Variants in UBE3C observed in about 807,000 individuals in gnomAD.
UBE3C encodes ubiquitin protein ligase E3C, also known as ubiquitin-protein ligase E3C.
A neutral mutation model predicts 129.4 loss-of-function variants in UBE3C; 42 were observed. That is an observed-to-expected ratio of 0.32 (90% CI 0.25 to 0.42). The LOEUF (loss-of-function observed/expected upper bound fraction) is 0.42. Ranked by LOEUF, UBE3C falls within the 10% of genes least tolerant of loss-of-function variation. The pLI is 1.00. For synonymous variants in UBE3C, 510 were observed against 492.4 expected (o/e 1.04, Z -0.47); for missense variants, 1,049 against 1,319.1 (o/e 0.80, Z 3.17).
intron 22 of UBE3C, among the ~76,000 whole-genome samples, chr7:157,262,656 G>A (rs184545478): frequency 0.012 from 1,890 of 151,940 alleles, 24 homozygotes; most frequent in Middle Eastern, 0.027. Flanking sequence ...CCTGACCTCC[G>A]GTGATCCACC....
intron 19 of UBE3C, among the ~76,000 whole-genome samples, chr7:157,253,694 C>G (rs1407054991): frequency 1.3e-5 from 2 of 152,162 alleles, no homozygotes; most frequent in Non-Finnish European, 2.9e-5. Context: ...CATTGCTGCA[C>G]AATTCCCTAG....
intron 22 of UBE3C, among the ~76,000 whole-genome samples, chr7:157,260,114 G>A (rs569984521): frequency 7.7e-6 from 1 of 130,590 alleles, no homozygotes; most frequent in South Asian, 2.6e-4. Flanking sequence ...CAAATTGTTG[G>A]AGAGAAAAAA....
chr7:157,250,440 A>G (rs535734373), intron 19 of UBE3C, among the ~76,000 whole-genome samples: 5 of 151,084 alleles, frequency 3.3e-5, no homozygotes, highest in Admixed American at 6.6e-5. Context: ...TCCTGCCTCA[A>G]CCTCCCAAAG....
At chr7:157,255,753 C>T (rs1340791551) in intron 21 of UBE3C, among the ~76,000 whole-genome samples, 2 of 152,094 alleles carry the variant, frequency 1.3e-5, no homozygotes, top group Non-Finnish European at 2.9e-5. Flanking sequence ...GAACAATATA[C>T]AGCAATTATT....
At chr7:157,198,431 C>T (rs547980735) in intron 10 of UBE3C, 2 of 589,034 alleles carry the variant, frequency 3.4e-6, no homozygotes, top group Non-Finnish European at 3.1e-6. Flanking sequence ...TTAAGTTCTG[C>T]AAATCCTGTG....
In UBE3C at chr7:157,268,651, C is replaced by G. The variant is rs1797143233; in HGVS notation, c.*896C>G. ...CCCATCATCCGCTCGCCCTCCTTTCCCCTGGGCTGCGCCCACTTGTCTTCC... is the reference window on the plus strand; with the variant it reads ...CCCATCATCCGCTCGCCCTCCTTTCGCCTGGGCTGCGCCCACTTGTCTTCC... On this transcript the variant is annotated 3_prime_UTR_variant, in exon 23 of 23. Transcript: ENST00000348165. The G allele has an allele frequency of 6.5e-6, 1 of 152,720 alleles. No individual in the cohort carries two copies. The highest frequency in any genetic ancestry group is 6.5e-5 in the Admixed American group (1 of 15,290). The allele number at this position is 152,720 out of a possible 1,614,324, so 9.5% of individuals were successfully genotyped here. A position where few individuals can be genotyped will look rare whatever the true frequency, so the allele number is the denominator to read the frequency against.
At chr7:157,237,369 A>G (rs1796179509) in intron 18 of UBE3C, among the ~76,000 whole-genome samples, 1 of 152,100 alleles carries the variant, frequency 6.6e-6, no homozygotes, top group Non-Finnish European at 1.5e-5. Context: ...TGAACCCGGG[A>G]GGCGGAGCTT....
intron 17 of UBE3C, among the ~76,000 whole-genome samples, chr7:157,229,629 T>C (rs1249209960): frequency 6.6e-6 from 1 of 151,800 alleles, no homozygotes; most frequent in Non-Finnish European, 1.5e-5. Flanking sequence ...TTTTTGGGGT[T>C]TTTAAATTTT....
chr7:157,180,629 C>T (rs1374693023), intron 6 of UBE3C, among the ~76,000 whole-genome samples: 3 of 152,194 alleles, frequency 2.0e-5, no homozygotes, highest in Non-Finnish European at 4.4e-5. Context: ...CCTGAACCTT[C>T]TTATTCTATA....
rs1807931766 is a variant in UBE3C at position 157,157,123 on chromosome 7, C to T, written c.67-6687C>T. Reference sequence around the variant, plus strand: ...TGTGGCTCACACTAGTAAGTGTCAGCTTCTGAAAGTGAAATTTCAGCATAC... The same window carrying T: ...TGTGGCTCACACTAGTAAGTGTCAGTTTCTGAAAGTGAAATTTCAGCATAC... On this transcript the variant is annotated intron_variant, in intron 1 of 22. Coordinates refer to ENST00000348165, the MANE Select transcript of UBE3C (RefSeq NM_014671.3). Among the ~76,000 whole-genome samples, 3 of 152,158 alleles carry T rather than the reference C, an allele frequency of 2.0e-5. No individual in the cohort carries two copies. In the South Asian group the frequency reaches 6.2e-4, roughly 31 times the overall value.
At chr7:157,178,659 A>AAG in intron 5 of UBE3C, 31 bp from the exon 6 acceptor site, 1 of 1,601,588 alleles carries the variant, frequency 6.2e-7, no homozygotes, top group Non-Finnish European at 8.5e-7. Context: ...GCCATCCTGT[A>AAG]AGTGTGTGAA....
intron 22 of UBE3C, among the ~76,000 whole-genome samples, chr7:157,257,525 A>G (rs1796782606): frequency 6.6e-6 from 1 of 152,056 alleles, no homozygotes; most frequent in African/African-American, 2.4e-5. Context: ...ATTTGAAGTC[A>G]GGAGTTCGAG....
rs767122475 is a variant in UBE3C, at chr7:157,267,569, A to T, written c.3082-16A>T. The T allele has an allele frequency of 7.4e-6, 12 of 1,612,584 alleles. No individual in the cohort carries two copies. Among genetic ancestry groups the T allele is most frequent in the Non-Finnish European group, 9.3e-6 (11 of 1,179,442 alleles). On this transcript the variant is annotated splice_polypyrimidine_tract_variant and intron_variant, in intron 22 of 22. Coordinates refer to ENST00000348165, the MANE Select transcript of UBE3C (RefSeq NM_014671.3). The stretch of plus-strand genomic sequence containing the variant: ...TGCTTGTTACAGTGACATCTTGCAC[A>T]CATGCTGTTTTTCAGGAGTTGTATC...
At chr7:157,156,589 A>G (rs544849103) in intron 1 of UBE3C, among the ~76,000 whole-genome samples, 1 of 152,012 alleles carries the variant, frequency 6.6e-6, no homozygotes, top group South Asian at 2.1e-4. Flanking sequence ...TACAGGCATG[A>G]GCACCGCATC....
chr7:157,168,314 G>A (rs921868219), intron 2 of UBE3C, among the ~76,000 whole-genome samples: 2 of 142,354 alleles, frequency 1.4e-5, no homozygotes, highest in African/African-American at 5.4e-5. Flanking sequence ...TCAAGTGGGC[G>A]ACAGAGCAAG....
At chr7:157,176,536 A>G (rs1051961864) in intron 5 of UBE3C, among the ~76,000 whole-genome samples, 4 of 152,206 alleles carry the variant, frequency 2.6e-5, no homozygotes, top group Non-Finnish European at 5.9e-5. Context: ...TGGCCTCCCA[A>G]AGTGCTGGGA....
chr7:157,155,459 A>G (rs1050436263), intron 1 of UBE3C, among the ~76,000 whole-genome samples: 3 of 152,210 alleles, frequency 2.0e-5, no homozygotes, highest in Non-Finnish European at 4.4e-5. Flanking sequence ...ATTTACAAAC[A>G]TGCTAACAAT....
chr7:157,139,220 C>T lies in UBE3C; in HGVS notation c.-53C>T. 1 of 1,367,260 alleles carries T rather than the reference C, an allele frequency of 7.3e-7. No individual in the cohort carries two copies. The highest frequency in any genetic ancestry group is 9.5e-7 in the Non-Finnish European group (1 of 1,051,594). The allele number at this position is 1,367,260 out of a possible 1,614,324, so 84.7% of individuals were successfully genotyped here. ...CCTCCCAGCCCGCCCCGTGCCCCGC[C>T]CGCCCGGCTGCTTCCGCGGCGGCGC... On this transcript the variant is annotated 5_prime_UTR_variant, in exon 1 of 23. Transcript: ENST00000348165.
intron 4 of UBE3C, 142 bp downstream of exon 4, chr7:157,170,592 G>A (rs1808340168): frequency 4.7e-6 from 4 of 842,410 alleles, no homozygotes; most frequent in African/African-American, 1.8e-5. Flanking sequence ...AGCTGTGAGA[G>A]GTTACCTATG....
Sources: gnomAD v4.1 joint callset for allele counts (sites outside exome capture counted in the v4.1 genomes callset) on GRCh38, gnomAD v4.1.1 for gene constraint, MANE v1.5 for transcripts, NCBI Gene and HGNC (gene_info 2026-07-23, HGNC 2026-07-21) for gene names.